NIPAL2: variants seen among roughly 807,000 people sequenced by gnomAD.
NIPAL2 encodes the protein NIPA like domain containing 2, also known as NIPA-like protein 2.
In NIPAL2, 43 loss-of-function variants were observed where a neutral mutation model predicts 48.9. The ratio of observed to expected loss-of-function variants is 0.88; its 90% CI spans 0.69 to 1.13. NIPAL2 has a LOEUF of 1.13. Ranked by LOEUF, NIPAL2 falls within the 50% of genes most tolerant of loss-of-function variation. The pLI is 0.00. For synonymous variants in NIPAL2, 167 were observed against 174.6 expected, an observed-to-expected ratio of 0.96 and a Z score of 0.34; for missense variants, 446 against 461.4, an observed-to-expected ratio of 0.97 and a Z score of 0.31.
At chr8:98,214,440 AG>A (rs1252881266) in intron 5 of NIPAL2, among the ~76,000 whole-genome samples, 4 of 152,224 alleles carry the variant, frequency 2.6e-5, no homozygotes, top group Non-Finnish European at 5.9e-5. Flanking sequence ...CTGGGATTAC[AG>A]GCATGAGCCA....
intron 2 of NIPAL2, among the ~76,000 whole-genome samples, chr8:98,252,888 T>C (rs1263951701): frequency 6.6e-6 from 1 of 152,168 alleles, no homozygotes; most frequent in African/African-American, 2.4e-5. Context: ...CAATTACCCA[T>C]GGTCAGAAAA....
At chr8:98,216,970 T>G in intron 5 of NIPAL2, 2 of 788,588 alleles carry the variant, frequency 2.5e-6, no homozygotes, top group South Asian at 5.8e-5. Context: ...ACAGGACTTA[T>G]AGCTTTTAAC....
intron 5 of NIPAL2, among the ~76,000 whole-genome samples, chr8:98,219,597 C>T (rs752101937): frequency 1.1e-4 from 16 of 152,198 alleles, no homozygotes; most frequent in African/African-American, 2.9e-4. Context: ...CACCCTCATT[C>T]GTCACTCCTA....
chr8:98,226,464 G>A (rs925528826), intron 4 of NIPAL2, among the ~76,000 whole-genome samples: 1 of 152,214 alleles, frequency 6.6e-6, no homozygotes, highest in African/African-American at 2.4e-5. Flanking sequence ...CAGTAATGCT[G>A]TAGTTCTTGC....
chr8:98,282,589 CT>C (rs1163586522), intron 1 of NIPAL2, among the ~76,000 whole-genome samples: 3 of 152,182 alleles, frequency 2.0e-5, no homozygotes, highest in African/African-American at 7.2e-5. Context: ...GGGAAGATCA[CT>C]TCAGCCCAGC....
At chr8:98,229,119 G>A (rs1284982799) in intron 4 of NIPAL2, among the ~76,000 whole-genome samples, 1 of 152,138 alleles carries the variant, frequency 6.6e-6, no homozygotes, top group Non-Finnish European at 1.5e-5. Flanking sequence ...ATGCAGGCAT[G>A]GGATGCCATC....
chr8:98,266,325 G>A (rs1021570326), intron 1 of NIPAL2, among the ~76,000 whole-genome samples: 6 of 151,706 alleles, frequency 4.0e-5, no homozygotes, highest in Admixed American at 6.6e-5. Context: ...TATTAGGCTG[G>A]ACGCAGTGGC....
chr8:98,265,144 A>C (rs7823040), intron 1 of NIPAL2, among the ~76,000 whole-genome samples: 4,460 of 140,810 alleles, frequency 0.032, 129 homozygotes, highest in African/African-American at 0.081. Flanking sequence ...GATGGATTAA[A>C]GACTTAAACG....
At chr8:98,216,401 T>C (rs1433493729) in intron 5 of NIPAL2, among the ~76,000 whole-genome samples, 2 of 152,214 alleles carry the variant, frequency 1.3e-5, no homozygotes, top group African/African-American at 4.8e-5. Flanking sequence ...GAGCTAGACA[T>C]AGGGCTCAGC....
intron 1 of NIPAL2, among the ~76,000 whole-genome samples, chr8:98,257,996 A>T (rs1268129236): frequency 6.6e-6 from 1 of 152,222 alleles, no homozygotes; most frequent in Admixed American, 6.5e-5. Context: ...ACATGTTCTC[A>T]TAATCTCCTG....
At chr8:98,260,298 G>C (rs796635878) in intron 1 of NIPAL2, among the ~76,000 whole-genome samples, 6 of 152,324 alleles carry the variant, frequency 3.9e-5, no homozygotes, top group African/African-American at 1.4e-4. Flanking sequence ...AATAGGAACA[G>C]CTCCGGTCTA....
rs1465684465 is a variant in NIPAL2 at position 98,194,715 on chromosome 8, T to C, written c.1039+13A>G. Reference sequence around the variant, plus strand: ...GGATCAAATTTTCCACTATAAAGAATATATGATTTTACCAGGAATATTTCC... The same window carrying C: ...GGATCAAATTTTCCACTATAAAGAACATATGATTTTACCAGGAATATTTCC... On this transcript the variant is annotated intron_variant, in intron 10 of 10. Transcript: ENST00000430223. 3 of 1,461,936 alleles carry C rather than the reference T, an allele frequency of 2.1e-6. No homozygotes were observed. The highest frequency in any genetic ancestry group is 2.8e-6 in the Non-Finnish European group (3 of 1,076,952). 90.6% of individuals were successfully genotyped at this position (1,461,936 alleles called of 1,614,324 possible).
intron 1 of NIPAL2, among the ~76,000 whole-genome samples, chr8:98,282,672 T>C (rs966824477): frequency 6.6e-6 from 1 of 151,874 alleles, no homozygotes; most frequent in Non-Finnish European, 1.5e-5. Context: ...ACCCTGTCTC[T>C]AAAAACAAAA....
intron 1 of NIPAL2, among the ~76,000 whole-genome samples, chr8:98,264,126 A>G (rs1163543783): frequency 6.6e-6 from 1 of 152,218 alleles, no homozygotes; most frequent in Non-Finnish European, 1.5e-5. Context: ...GATGGGATGT[A>G]TGTCAAAATA....
chr8:98,209,972 A>G (rs2130719651), intron 6 of NIPAL2, among the ~76,000 whole-genome samples: 1 of 152,172 alleles, frequency 6.6e-6, no homozygotes, highest in Non-Finnish European at 1.5e-5. Context: ...AAAAATAAGC[A>G]ATTCATTCAA....
chr8:98,208,267 A>G (rs1018157959), intron 6 of NIPAL2, among the ~76,000 whole-genome samples: 2 of 152,134 alleles, frequency 1.3e-5, no homozygotes, highest in Non-Finnish European at 2.9e-5. Context: ...TGGCCCTCTC[A>G]ATTCCCTCTT....
chr8:98,283,631 G>T (rs1357958238), intron 1 of NIPAL2, among the ~76,000 whole-genome samples: 1 of 152,072 alleles, frequency 6.6e-6, no homozygotes, highest in Non-Finnish European at 1.5e-5. Context: ...CCTTTTGCAG[G>T]CCCAGCCCAG....
intron 3 of NIPAL2, among the ~76,000 whole-genome samples, chr8:98,239,906 C>T (rs550639354): frequency 2.1e-4 from 32 of 152,196 alleles, no homozygotes; most frequent in Admixed American, 2.1e-3. Context: ...ATGAGAAAAA[C>T]ATCAACTGAA....
intron 1 of NIPAL2, among the ~76,000 whole-genome samples, chr8:98,261,498 C>T (rs1408996584): frequency 7.7e-5 from 11 of 143,162 alleles, no homozygotes; most frequent in Non-Finnish European, 1.4e-4. Flanking sequence ...CCTCAGGAGC[C>T]GATGCGATCA....
Sources: gnomAD v4.1 joint callset for allele counts (sites outside exome capture counted in the v4.1 genomes callset) on GRCh38, gnomAD v4.1.1 for gene constraint, MANE v1.5 for transcripts, NCBI Gene and HGNC (gene_info 2026-07-23, HGNC 2026-07-21) for gene names.